The following ANKRD30B variants were observed in gnomAD, a reference collection of about 807,000 sequenced individuals.
The protein encoded by ANKRD30B is ankyrin repeat domain-containing protein 30B.
ANKRD30B carries 144 observed loss-of-function variants against 202.2 expected under a neutral mutation model. That is an observed-to-expected ratio of 0.71 (90% CI 0.62 to 0.82). The LOEUF (loss-of-function observed/expected upper bound fraction) is 0.82, where lower values mean the gene tolerates loss of function less well. ANKRD30B is among the 40% of genes least tolerant of loss of function. The probability of loss-of-function intolerance (pLI) is 0.00; values close to 1 mark genes in which losing one functional copy is unlikely to be tolerated. For missense variants in ANKRD30B, 1,487 were observed against 1,669.1 expected (o/e 0.89, Z 1.90); for synonymous variants, 508 against 561.3 (o/e 0.91, Z 1.34).
At chr18:14,773,912 C>T (rs1967185486) in intron 9 of ANKRD30B, among the ~76,000 whole-genome samples, 1 of 152,074 alleles carries the variant, frequency 6.6e-6, no homozygotes, top group African/African-American at 2.4e-5. Context: ...CCTTGGCCTC[C>T]CAAAGTGCTG....
At chr18:14,780,281 A>G (rs540625617) in intron 11 of ANKRD30B, among the ~76,000 whole-genome samples, 35 of 152,196 alleles carry the variant, frequency 2.3e-4, no homozygotes, top group Non-Finnish European at 4.6e-4. Flanking sequence ...CCCTGTCTGT[A>G]CTAAAAATAC....
At chr18:14,788,084 T>G (rs1968202906) in intron 15 of ANKRD30B, among the ~76,000 whole-genome samples, 1 of 152,222 alleles carries the variant, frequency 6.6e-6, no homozygotes, top group African/African-American at 2.4e-5. Flanking sequence ...TATGACAGAC[T>G]CTAAAAGTTC....
chr18:14,894,467 T>A, the ANKRD30B span, among the ~76,000 whole-genome samples: 677 of 152,042 alleles, frequency 4.5e-3, 1 homozygote, highest in African/African-American at 0.016. Context: ...TTCCTGAAAC[T>A]GTTAAAGCTT....
chr18:14,885,310 G>A, the ANKRD30B span, among the ~76,000 whole-genome samples: 1 of 152,130 alleles, frequency 6.6e-6, no homozygotes, highest in Admixed American at 6.6e-5. Flanking sequence ...CAAGTAAATG[G>A]CAGTGGGGTA....
the ANKRD30B span, among the ~76,000 whole-genome samples, chr18:14,932,034 A>C: frequency 9.1e-6 from 1 of 110,320 alleles, no homozygotes; most frequent in African/African-American, 3.6e-5. Flanking sequence ...CAGGCGCCCC[A>C]CCCCACCTCC....
the ANKRD30B span, among the ~76,000 whole-genome samples, chr18:14,908,848 C>T: frequency 6.6e-6 from 1 of 152,166 alleles, no homozygotes; most frequent in African/African-American, 2.4e-5. Flanking sequence ...GGATGTGGAG[C>T]TGGCTTGCAA....
At chr18:14,872,316 C>A in the ANKRD30B span, among the ~76,000 whole-genome samples, 2 of 152,312 alleles carry the variant, frequency 1.3e-5, no homozygotes, top group East Asian at 1.9e-4. Flanking sequence ...GAGATGGAAA[C>A]TTTTCTTTGC....
the ANKRD30B span, among the ~76,000 whole-genome samples, chr18:14,880,701 G>T: frequency 6.6e-6 from 1 of 151,810 alleles, no homozygotes; most frequent in African/African-American, 2.4e-5. Context: ...GAGTAGCTGG[G>T]ATTATAGGCA....
chr18:14,913,998 G>A, the ANKRD30B span, among the ~76,000 whole-genome samples: 2 of 152,180 alleles, frequency 1.3e-5, no homozygotes, highest in African/African-American at 4.8e-5. Flanking sequence ...TATAAACGGG[G>A]TAATTTGTCC....
chr18:14,878,197 TA>T, the ANKRD30B span, among the ~76,000 whole-genome samples: 1 of 152,278 alleles, frequency 6.6e-6, no homozygotes, highest in East Asian at 1.9e-4. Flanking sequence ...ACTCAGTGGA[TA>T]CTCTCCCTTT....
the ANKRD30B span, among the ~76,000 whole-genome samples, chr18:14,922,794 T>C: frequency 6.6e-6 from 1 of 152,094 alleles, no homozygotes; most frequent in Non-Finnish European, 1.5e-5. Context: ...GCCCAGGTGG[T>C]AAGGGAGTGC....
the ANKRD30B span, among the ~76,000 whole-genome samples, chr18:14,868,083 A>C: frequency 6.6e-6 from 1 of 152,196 alleles, no homozygotes; most frequent in African/African-American, 2.4e-5. Context: ...GTACCTGTGG[A>C]GGCCAAGTGG....
chr18:14,876,701 G>T, the ANKRD30B span, among the ~76,000 whole-genome samples: 1 of 152,194 alleles, frequency 6.6e-6, no homozygotes, highest in African/African-American at 2.4e-5. Flanking sequence ...GACTTAAGAT[G>T]CTGGGCACAG....
chr18:14,749,487 T>C (rs1913052430), intron 1 of ANKRD30B, among the ~76,000 whole-genome samples: 1 of 151,704 alleles, frequency 6.6e-6, no homozygotes, highest in Admixed American at 6.6e-5. Flanking sequence ...GCCTGGCCAA[T>C]ATGGTGAAAC....
intron 24 of ANKRD30B, among the ~76,000 whole-genome samples, chr18:14,805,410 T>C (rs890920891): frequency 6.6e-6 from 1 of 151,052 alleles, no homozygotes; most frequent in Non-Finnish European, 1.5e-5. Context: ...ATGAGGTTTG[T>C]ACATCTTCCT....
chr18:14,797,691 T>A lies in ANKRD30B; in HGVS notation c.1956+2T>A. The A allele has an allele frequency of 1.2e-6, 2 of 1,608,856 alleles. No individual in the cohort carries two copies. The highest frequency in any genetic ancestry group is 2.2e-5 in the East Asian group (1 of 44,680). On this transcript the variant is annotated splice_donor_variant, in intron 19 of 43. Transcript: ENST00000690538. LOFTEE classifies it high-confidence loss of function. ...CCTGATAAAGATGGTCTTCTGAAGGTAATAGCTTTTATGTCTCTATCTTGA... is the reference window on the plus strand; with the variant it reads ...CCTGATAAAGATGGTCTTCTGAAGGAAATAGCTTTTATGTCTCTATCTTGA...
intron 40 of ANKRD30B, among the ~76,000 whole-genome samples, chr18:14,849,907 T>A (rs1008923849): frequency 2.6e-5 from 4 of 151,742 alleles, no homozygotes; most frequent in South Asian, 2.1e-4. Flanking sequence ...GTGATATTTT[T>A]AAAAAATAAT....
At chr18:14,796,129 G>C in intron 16 of ANKRD30B, 92 bp from the exon 17 acceptor site, 1 of 1,326,900 alleles carries the variant, frequency 7.5e-7, no homozygotes. Context: ...ATCCAAGCAT[G>C]AGGATTCATC....
chr18:14,934,717 G>T, the ANKRD30B span, among the ~76,000 whole-genome samples: 1 of 152,240 alleles, frequency 6.6e-6, no homozygotes, highest in Non-Finnish European at 1.5e-5. Context: ...GAATATTCAA[G>T]GAGGAATAGC....
Sources: gnomAD v4.1 joint callset for allele counts (sites outside exome capture counted in the v4.1 genomes callset) on GRCh38, gnomAD v4.1.1 for gene constraint, MANE v1.5 for transcripts, NCBI Gene and HGNC (gene_info 2026-07-23, HGNC 2026-07-21) for gene names.